The following CHMP1A variants were observed in gnomAD, a reference collection of about 807,000 sequenced individuals.
CHMP1A encodes VPS46 homolog A.
In CHMP1A, 17 loss-of-function variants were observed where a neutral mutation model predicts 27.0. The observed-to-expected ratio is 0.63, with a 90% CI of 0.43 to 0.95. The LOEUF (loss-of-function observed/expected upper bound fraction) is 0.95. Among genes scored for constraint, CHMP1A ranks in the 40% least tolerant of loss-of-function variants. CHMP1A has a pLI of 0.00. For synonymous variants in CHMP1A, 131 were observed against 107.5 expected (o/e 1.22, Z -1.35); for missense variants, 275 against 264.0 (o/e 1.04, Z -0.29).
At chr16:89,655,124 G>A (rs537600411) in intron 1 of CHMP1A, among the ~76,000 whole-genome samples, 1 of 152,230 alleles carries the variant, frequency 6.6e-6, no homozygotes, top group Admixed American at 6.5e-5. Flanking sequence ...TGCACACCAA[G>A]GCTCCAAGAT....
chr16:89,648,552 G>A (rs2059798956), intron 4 of CHMP1A, among the ~76,000 whole-genome samples: 1 of 152,192 alleles, frequency 6.6e-6, no homozygotes, highest in Admixed American at 6.5e-5. Flanking sequence ...AGATGAGCCT[G>A]GCCATGCAGG....
intron 3 of CHMP1A, among the ~76,000 whole-genome samples, chr16:89,650,680 C>G (rs1160250654): frequency 6.6e-6 from 1 of 151,912 alleles, no homozygotes; most frequent in Non-Finnish European, 1.5e-5. Context: ...GTGGCGCATG[C>G]TTGTAATCCC....
chr16:89,646,739 C>G (rs764751943), intron 5 of CHMP1A, 25 bp from the exon 6 acceptor site: 1 of 1,602,036 alleles, frequency 6.2e-7, no homozygotes, highest in Non-Finnish European at 8.5e-7. Context: ...ATGCTCTGGA[C>G]AACAGGTGGG....
intron 2 of CHMP1A, among the ~76,000 whole-genome samples, chr16:89,652,657 C>T (rs1293175565): frequency 2.0e-5 from 3 of 152,340 alleles, no homozygotes; most frequent in South Asian, 2.1e-4. Flanking sequence ...CTGGCCACCA[C>T]AGCACCACAG....
intron 1 of CHMP1A, among the ~76,000 whole-genome samples, chr16:89,656,198 G>C (rs1238267072): frequency 6.6e-6 from 1 of 152,116 alleles, no homozygotes; most frequent in Non-Finnish European, 1.5e-5. Flanking sequence ...GTGAAGTGGC[G>C]CGATCTCGGC....
chr16:89,655,609 G>A (rs1391607299), intron 1 of CHMP1A, among the ~76,000 whole-genome samples: 3 of 151,426 alleles, frequency 2.0e-5, no homozygotes, highest in African/African-American at 7.2e-5. Flanking sequence ...AGTGAGCTGT[G>A]GAGTGAAAAG....
chr16:89,648,525 G>A (rs1313483279), intron 4 of CHMP1A, among the ~76,000 whole-genome samples: 1 of 152,210 alleles, frequency 6.6e-6, no homozygotes, highest in Non-Finnish European at 1.5e-5. Flanking sequence ...GCTCTGCTGT[G>A]ACGTCCCTGA....
At chr16:89,646,140 C>G in intron 6 of CHMP1A, 53 bp from the exon 7 acceptor site, 1 of 1,478,922 alleles carries the variant, frequency 6.8e-7, no homozygotes, top group Non-Finnish European at 9.1e-7. Context: ...GGCCTCTGAC[C>G]ACCACGTGCT....
intron 6 of CHMP1A, 143 bp from the exon 7 acceptor site, chr16:89,646,230 C>G (rs914379800): frequency 1.3e-6 from 1 of 761,484 alleles, no homozygotes; most frequent in African/African-American, 1.8e-5. Context: ...CATGCCCTGT[C>G]CCACTCTTAC....
intron 1 of CHMP1A, among the ~76,000 whole-genome samples, chr16:89,656,434 G>A (rs1019337052): frequency 3.9e-5 from 6 of 152,232 alleles, no homozygotes; most frequent in African/African-American, 1.2e-4. Context: ...ACCGCGCCCA[G>A]CCCTTCAAAA....
Position 89,653,938 on chromosome 16 carries a change from G to A in CHMP1A, c.8-15C>T, listed in dbSNP as rs554604674. On this transcript the variant is annotated splice_polypyrimidine_tract_variant and intron_variant, in intron 1 of 6. Transcript: ENST00000397901. ...GAACAGGGTATCTGCAAAGAAAGAG[G>A]GAATTAATGGTTTGAGGATTGGGAA... 2.5e-6 allele frequency: 4 copies of A among 1,613,378 alleles called. No individual in the cohort carries two copies. The highest frequency in any genetic ancestry group is 2.2e-5 in the East Asian group (1 of 44,880).
rs1347285536 is a variant in CHMP1A at position 89,645,311 on chromosome 16, G to A, written c.*755C>T. ...CCTGCTGGTGGACAGGCTCCCTGTC[G>A]AGGAGACAAACAGCACAGCACATGT... On this transcript the variant is annotated 3_prime_UTR_variant, in exon 7 of 7. Coordinates refer to ENST00000397901, the MANE Select transcript of CHMP1A (RefSeq NM_002768.5). 6.6e-6 allele frequency: 1 copy of A among 152,610 alleles called. No homozygotes were observed. Among genetic ancestry groups the A allele is most frequent in the Non-Finnish European group, 1.5e-5 (1 of 68,342 alleles). The allele number at this position is 152,610 out of a possible 1,614,324, so 9.5% of individuals were successfully genotyped here. A position where few individuals can be genotyped will look rare whatever the true frequency, so the allele number is the denominator to read the frequency against.
chr16:89,651,995 G>C (rs778046508), intron 2 of CHMP1A, among the ~76,000 whole-genome samples: 6 of 152,232 alleles, frequency 3.9e-5, no homozygotes, highest in Non-Finnish European at 8.8e-5. Context: ...CTTATGGATG[G>C]CTTTTCAACG....
rs76311593 is a variant in CHMP1A at position 89,652,868 on chromosome 16, C to T, written c.27+1036G>A. Among the ~76,000 whole-genome samples the T allele has an allele frequency of 0.024, 3,657 of 152,240 alleles. 653 individuals are homozygous for T. In the East Asian group the frequency reaches 0.49, roughly 21 times the overall value. On this transcript the variant is annotated intron_variant, in intron 2 of 6. Transcript: ENST00000397901. ...CAGGAGCACATCCCAGGGAAATGCACGGAAACCTGCCCTGGATTACCGGAA... is the reference window on the plus strand; with the variant it reads ...CAGGAGCACATCCCAGGGAAATGCATGGAAACCTGCCCTGGATTACCGGAA...
intron 4 of CHMP1A, 172 bp downstream of exon 4, chr16:89,649,177 GCT>G: frequency 4.1e-6 from 1 of 245,004 alleles, no homozygotes; most frequent in Non-Finnish European, 6.4e-6. Flanking sequence ...CCCACCCCAC[GCT>G]GATCCAGCCC....
intron 6 of CHMP1A, 68 bp from the exon 7 acceptor site, chr16:89,646,155 G>T: frequency 7.0e-7 from 1 of 1,419,808 alleles, no homozygotes; most frequent in Non-Finnish European, 9.5e-7. Flanking sequence ...CGTGCTCCCA[G>T]CACAGGTGAC....
intron 2 of CHMP1A, among the ~76,000 whole-genome samples, chr16:89,652,569 C>T (rs113250230): frequency 6.7e-6 from 1 of 148,492 alleles, no homozygotes; most frequent in South Asian, 2.2e-4. Flanking sequence ...ACCAGGTGGC[C>T]CTGGCCACCA....
At chr16:89,651,300 G>A (rs2059821378) in intron 3 of CHMP1A, among the ~76,000 whole-genome samples, 2 of 144,386 alleles carry the variant, frequency 1.4e-5, no homozygotes, top group African/African-American at 5.2e-5. Flanking sequence ...GAACCCGGGA[G>A]GCGGAGGTTG....
intron 3 of CHMP1A, among the ~76,000 whole-genome samples, chr16:89,650,647 A>G (rs2059817100): frequency 6.6e-6 from 1 of 152,060 alleles, no homozygotes; most frequent in African/African-American, 2.4e-5. Flanking sequence ...CTCTACTAAA[A>G]ATACAAAAAT....
Sources: allele counts gnomAD v4.1 joint callset (sites outside exome capture counted in the v4.1 genomes callset), GRCh38; gene constraint gnomAD v4.1.1; transcripts MANE v1.5; gene names NCBI Gene and HGNC (gene_info 2026-07-23, HGNC 2026-07-21).